TMED6: variants seen among roughly 807,000 people sequenced by gnomAD.
The protein encoded by TMED6 is transmembrane emp24 domain-containing protein 6.
In TMED6, 17 loss-of-function variants were observed where a neutral mutation model predicts 26.5. The observed-to-expected ratio is 0.64, with a 90% CI of 0.44 to 0.96. The LOEUF is 0.96. Among genes scored for constraint, TMED6 ranks in the 40% least tolerant of loss-of-function variants. The pLI is 0.00. For missense variants in TMED6, 309 were observed against 296.5 expected (o/e 1.04, Z -0.31); for synonymous variants, 107 against 106.2 (o/e 1.01, Z -0.04).
chr16:69,349,564 C>A lies in TMED6; in HGVS notation c.301G>T (p.Gly101Cys), dbSNP rs936416455. 4.3e-6 allele frequency: 7 copies of A among 1,613,754 alleles called. No individual in the cohort carries two copies. In the African/African-American group the frequency reaches 8.0e-5, roughly 18 times the overall value. ...GAGAAGTTAATCTGGCCCCGAACAC[C>A]CTGGGAGGTGTCTATGAGAAATCCC... is the stretch of plus-strand genomic sequence containing the variant. The part of the protein sequence containing the change: ...PQGFLIDTSQ[G>C]VRGQINFSTQ... The change falls in exon 2 of 4, where the codon GGT becomes TGT. Residue 101 changes from glycine (G) to cysteine (C), a missense_variant. Gly to Cys is a radical substitution (Grantham distance 159). Coordinates refer to ENST00000288025, the MANE Select transcript of TMED6 (RefSeq NM_144676.4).
intron 1 of TMED6, among the ~76,000 whole-genome samples, chr16:69,350,314 A>T (rs866878382): frequency 4.9e-5 from 7 of 143,562 alleles, no homozygotes; most frequent in Admixed American, 2.8e-4. Context: ...AGAATTTTTT[A>T]TTTTTTTTGA....
chr16:69,345,498 A>T (rs1373077325), intron 3 of TMED6, among the ~76,000 whole-genome samples: 1 of 151,840 alleles, frequency 6.6e-6, no homozygotes, highest in Non-Finnish European at 1.5e-5. Flanking sequence ...CCTGACCAAC[A>T]TGGTGAAACC....
rs1345326204 is a variant in TMED6, at chr16:69,343,313, TTAA to T, written c.*91_*93del. 1.8e-6 allele frequency: 2 copies of T among 1,140,404 alleles called. No individual in the cohort carries two copies. The highest frequency in any genetic ancestry group is 2.5e-6 in the Non-Finnish European group (2 of 806,730). The allele number at this position is 1,140,404 out of a possible 1,614,324, so 70.6% of individuals were successfully genotyped here. A position where few individuals can be genotyped will look rare whatever the true frequency, so the allele number is the denominator to read the frequency against. On this transcript the variant is annotated 3_prime_UTR_variant, in exon 4 of 4. Coordinates refer to ENST00000288025, the MANE Select transcript of TMED6 (RefSeq NM_144676.4). ...TAGATGTGTGCAGCAGACTAAAACA[TTAA>T]TGAGATAATTGATTTTTGTCCCATA... is the stretch of plus-strand genomic sequence containing the variant.
chr16:69,346,926 A>G (rs970501604), intron 3 of TMED6, among the ~76,000 whole-genome samples: 1 of 152,118 alleles, frequency 6.6e-6, no homozygotes, highest in Non-Finnish European at 1.5e-5. Context: ...GAATCTGAGC[A>G]CTTTGGCAAG....
intron 2 of TMED6, chr16:69,348,449 C>T (rs2012721525): frequency 7.5e-6 from 1 of 133,108 alleles, no homozygotes; most frequent in African/African-American, 2.8e-5. Flanking sequence ...GGGTTGCCTC[C>T]CTTTGTGTGT....
intron 2 of TMED6, among the ~76,000 whole-genome samples, chr16:69,348,600 T>C (rs991963379): frequency 2.0e-5 from 3 of 151,056 alleles, no homozygotes; most frequent in East Asian, 1.9e-4. Context: ...TACTGGCATG[T>C]AGGGGCCAAA....
At chr16:69,351,038 T>TAA (rs58107152) in intron 1 of TMED6, among the ~76,000 whole-genome samples, 2 of 143,980 alleles carry the variant, frequency 1.4e-5, no homozygotes, top group African/African-American at 5.1e-5. Context: ...CTTACCGTCC[T>TAA]AAAAAAAAAA....
intron 3 of TMED6, among the ~76,000 whole-genome samples, chr16:69,346,302 G>A (rs1382921033): frequency 6.6e-6 from 1 of 152,156 alleles, no homozygotes; most frequent in Non-Finnish European, 1.5e-5. Flanking sequence ...CCATAGCCAC[G>A]TTATGATAGC....
chr16:69,346,488 G>C (rs1352138534), intron 3 of TMED6, among the ~76,000 whole-genome samples: 1 of 152,222 alleles, frequency 6.6e-6, no homozygotes, highest in Admixed American at 6.5e-5. Context: ...TCTTGGCTGG[G>C]CGCGGTGGCT....
intron 3 of TMED6, among the ~76,000 whole-genome samples, chr16:69,346,489 C>T (rs1283202165): frequency 6.6e-6 from 1 of 152,246 alleles, no homozygotes; most frequent in East Asian, 1.9e-4. Context: ...CTTGGCTGGG[C>T]GCGGTGGCTC....
chr16:69,343,664 G>A (rs1328273606), intron 3 of TMED6, 24 bp from the exon 4 acceptor site: 1 of 1,600,908 alleles, frequency 6.2e-7, no homozygotes, highest in South Asian at 1.1e-5. Context: ...AATTTTAAGG[G>A]GGATTCTTCC....
chr16:69,349,407 G>C (rs1567438005), intron 2 of TMED6, 118 bp downstream of exon 2: 1 of 1,255,366 alleles, frequency 8.0e-7, no homozygotes, highest in Non-Finnish European at 1.1e-6. Flanking sequence ...ACTGGTTTTT[G>C]GTGTTAAAGG....
At chr16:69,345,276 CA>C (rs1165220979) in intron 3 of TMED6, among the ~76,000 whole-genome samples, 1 of 146,860 alleles carries the variant, frequency 6.8e-6, no homozygotes, top group Non-Finnish European at 1.5e-5. Flanking sequence ...AACTCCGTCT[CA>C]AAAAAGAAAA....
chr16:69,346,530 G>A (rs993376007), intron 3 of TMED6, among the ~76,000 whole-genome samples: 13 of 152,150 alleles, frequency 8.5e-5, no homozygotes, highest in African/African-American at 2.2e-4. Flanking sequence ...TTGGGAGGCC[G>A]AGGCGGGCCA....
chr16:69,345,894 C>G (rs1331919333), intron 3 of TMED6, among the ~76,000 whole-genome samples: 1 of 151,990 alleles, frequency 6.6e-6, no homozygotes, highest in African/African-American at 2.4e-5. Context: ...GTTTCCCAGG[C>G]TAGTCTCAAA....
intron 2 of TMED6, among the ~76,000 whole-genome samples, chr16:69,348,631 TTTTTAGACG>T (rs2012726529): frequency 6.6e-6 from 1 of 152,036 alleles, no homozygotes; most frequent in Non-Finnish European, 1.5e-5. Flanking sequence ...ATCTTTTTTT[TTTTTAGACG>T]AGTCTCGCTC....
chr16:69,343,409 A>G lies in TMED6; in HGVS notation c.721T>C (p.Ter241GlnextTer15), dbSNP rs1460147256. 1 of 1,613,810 alleles carries G rather than the reference A, an allele frequency of 6.2e-7. No individual in the cohort carries two copies. The highest frequency in any genetic ancestry group is 1.1e-5 in the South Asian group (1 of 91,066). Residue 241 changes from the stop codon to glutamine (Q), a stop_lost, in exon 4 of 4, where the codon TAA becomes CAA. Transcript: ENST00000288025. Reference protein sequence around the residue: ...TTTDTKKPRC* With the variant: ...TTTDTKKPRCQ ...CAGGGTGCTATAGTCACCTTAGCTT[A>G]GCATCTTGGCTTCTTTGTATCTGTA...
At chr16:69,345,422 G>T (rs868245469) in intron 3 of TMED6, among the ~76,000 whole-genome samples, 1 of 151,998 alleles carries the variant, frequency 6.6e-6, no homozygotes, top group South Asian at 2.1e-4. Flanking sequence ...GGTGGCTCAC[G>T]CCTGTATTCC....
intron 3 of TMED6, among the ~76,000 whole-genome samples, chr16:69,347,561 T>C (rs1458707142): frequency 1.3e-5 from 2 of 152,178 alleles, no homozygotes; most frequent in Non-Finnish European, 2.9e-5. Flanking sequence ...GGTTTCACCA[T>C]GTTGGAAAGG....
Sources: allele counts gnomAD v4.1 joint callset (sites outside exome capture counted in the v4.1 genomes callset), GRCh38; gene constraint gnomAD v4.1.1; transcripts MANE v1.5; gene names NCBI Gene and HGNC (gene_info 2026-07-23, HGNC 2026-07-21).